RGS7: variants seen among roughly 807,000 people sequenced by gnomAD.
RGS7 encodes regulator of G-protein signaling 7.
A neutral mutation model predicts 81.1 loss-of-function variants in RGS7; 27 were observed. The observed-to-expected ratio is 0.33, with a 90% CI of 0.25 to 0.46. The LOEUF (loss-of-function observed/expected upper bound fraction) is 0.46, where lower values mean the gene tolerates loss of function less well. RGS7 is among the 20% of genes least tolerant of loss of function. RGS7 has a pLI of 1.00. For missense variants in RGS7, 396 were observed against 607.4 expected, an observed-to-expected ratio of 0.65 and a Z score of 3.66; for synonymous variants, 208 against 207.7, an observed-to-expected ratio of 1.00 and a Z score of -0.01.
intron 2 of RGS7, among the ~76,000 whole-genome samples, chr1:241,220,003 C>A (rs2074800273): frequency 6.6e-6 from 1 of 152,118 alleles, no homozygotes; most frequent in African/African-American, 2.4e-5. Flanking sequence ...TTCTGTTGCA[C>A]ATGATACCAC....
At chr1:241,243,147 G>A (rs1462279936) in intron 2 of RGS7, among the ~76,000 whole-genome samples, 1 of 152,148 alleles carries the variant, frequency 6.6e-6, no homozygotes, top group Non-Finnish European at 1.5e-5. Flanking sequence ...ACATTTAACT[G>A]AAGAAGCAGA....
chr1:240,832,256 G>GT (rs1189252863), intron 9 of RGS7, among the ~76,000 whole-genome samples: 1 of 152,146 alleles, frequency 6.6e-6, no homozygotes, highest in Non-Finnish European at 1.5e-5. Context: ...GCTGGATACA[G>GT]TATTAAGCAC....
chr1:241,035,967 T>C (rs2060305957), intron 3 of RGS7, among the ~76,000 whole-genome samples: 1 of 152,330 alleles, frequency 6.6e-6, no homozygotes, highest in South Asian at 2.1e-4. Flanking sequence ...CATTATACTA[T>C]AGATGTAAGT....
intron 2 of RGS7, among the ~76,000 whole-genome samples, chr1:241,180,626 A>C (rs1008537868): frequency 7.2e-5 from 11 of 152,312 alleles, no homozygotes; most frequent in African/African-American, 2.6e-4. Flanking sequence ...CCAAACAGAG[A>C]ATACATTTTC....
At chr1:241,212,146 A>G (rs1415213716) in intron 2 of RGS7, among the ~76,000 whole-genome samples, 1 of 151,952 alleles carries the variant, frequency 6.6e-6, no homozygotes, top group Non-Finnish European at 1.5e-5. Flanking sequence ...CATGTGTAAT[A>G]ATTGAATACA....
At chr1:240,999,549 A>G (rs753573418) in intron 3 of RGS7, among the ~76,000 whole-genome samples, 47 of 152,118 alleles carry the variant, frequency 3.1e-4, no homozygotes, top group Non-Finnish European at 4.1e-4. Context: ...ATTGATATAT[A>G]TATTTTTTCC....
chr1:241,252,112 C>T (rs1309579181), intron 2 of RGS7, among the ~76,000 whole-genome samples: 2 of 149,430 alleles, frequency 1.3e-5, no homozygotes, highest in Non-Finnish European at 3.0e-5. Flanking sequence ...GGTGTGACCT[C>T]GGCTCACTGC....
At chr1:241,290,217 G>A (rs1383481374) in intron 2 of RGS7, among the ~76,000 whole-genome samples, 1 of 152,150 alleles carries the variant, frequency 6.6e-6, no homozygotes, top group Non-Finnish European at 1.5e-5. Context: ...ACTGCTATAG[G>A]CAAGATGATC....
rs75497248 is a variant in RGS7, at chr1:240,970,294, C to T, written c.226+12785G>A. Among the ~76,000 whole-genome samples the T allele has an allele frequency of 4.4e-3, 669 of 152,268 alleles. 7 individuals carry two copies. The highest frequency in any genetic ancestry group is 0.015 in the African/African-American group (639 of 41,550). ...GGCAGACATCCTGGGGGAAATACCC[C>T]CTACTTTGGCAATGAAAACTTCAAC... On this transcript the variant is annotated intron_variant, in intron 4 of 18. Transcript: ENST00000440928.
At chr1:240,803,385 T>A (rs1402472424) in intron 15 of RGS7, among the ~76,000 whole-genome samples, 1 of 152,156 alleles carries the variant, frequency 6.6e-6, no homozygotes, top group Non-Finnish European at 1.5e-5. Context: ...TGAGTAATCA[T>A]CCTGGATACC....
intron 2 of RGS7, among the ~76,000 whole-genome samples, chr1:241,110,886 T>C (rs2065469016): frequency 6.6e-6 from 1 of 152,088 alleles, no homozygotes; most frequent in Non-Finnish European, 1.5e-5. Context: ...GGTTTCACCA[T>C]GTTATCCAGG....
intron 9 of RGS7, among the ~76,000 whole-genome samples, chr1:240,861,753 C>CT (rs529295026): frequency 5.3e-5 from 8 of 151,756 alleles, no homozygotes; most frequent in Middle Eastern, 3.4e-3. Flanking sequence ...TTTGTTCTTG[C>CT]TTTTTTTTAG....
chr1:241,075,236 G>C (rs192088322), intron 3 of RGS7, among the ~76,000 whole-genome samples: 2 of 152,278 alleles, frequency 1.3e-5, no homozygotes, highest in Admixed American at 1.3e-4. Flanking sequence ...AAAAGTGGAA[G>C]ATTCTTTAAA....
chr1:241,268,563 A>T (rs1392594024), intron 2 of RGS7, among the ~76,000 whole-genome samples: 1 of 152,148 alleles, frequency 6.6e-6, no homozygotes, highest in Non-Finnish European at 1.5e-5. Flanking sequence ...CAAAGTTCTA[A>T]ACTCTTCTAG....
At chr1:241,029,323 T>A (rs963615540) in intron 3 of RGS7, among the ~76,000 whole-genome samples, 8 of 152,136 alleles carry the variant, frequency 5.3e-5, no homozygotes, top group African/African-American at 1.9e-4. Flanking sequence ...TTTATAAAAA[T>A]TTAAAACCCC....
intron 2 of RGS7, among the ~76,000 whole-genome samples, chr1:241,220,925 A>G (rs1161477547): frequency 6.7e-6 from 1 of 148,866 alleles, no homozygotes; most frequent in East Asian, 2.0e-4. Context: ...AAAGGAAGAA[A>G]GGAAGAAAGG....
intron 2 of RGS7, among the ~76,000 whole-genome samples, chr1:241,312,662 T>C (rs919872196): frequency 6.6e-6 from 1 of 152,140 alleles, no homozygotes; most frequent in African/African-American, 2.4e-5. Flanking sequence ...GCCCTGTGTC[T>C]CTCCCACTCC....
chr1:240,932,466 C>T (rs189188040), intron 5 of RGS7, among the ~76,000 whole-genome samples: 7 of 150,858 alleles, frequency 4.6e-5, no homozygotes, highest in Non-Finnish European at 8.8e-5. Flanking sequence ...CTAGGATAGC[C>T]CTAGGGGGAC....
intron 6 of RGS7, among the ~76,000 whole-genome samples, chr1:240,871,349 C>T (rs1398035128): frequency 3.3e-5 from 5 of 152,104 alleles, no homozygotes; most frequent in Non-Finnish European, 7.4e-5. Context: ...TGGATAACGA[C>T]GTCCAGCTGG....
Sources: allele counts gnomAD v4.1 joint callset (sites outside exome capture counted in the v4.1 genomes callset), GRCh38; gene constraint gnomAD v4.1.1; transcripts MANE v1.5; gene names NCBI Gene and HGNC (gene_info 2026-07-23, HGNC 2026-07-21).